The following PTPRD variants were observed in gnomAD, a reference collection of about 807,000 sequenced individuals.
PTPRD encodes protein tyrosine phosphatase receptor type D, also known as receptor-type tyrosine-protein phosphatase delta.
A neutral mutation model predicts 214.5 loss-of-function variants in PTPRD; 34 were observed. The ratio of observed to expected loss-of-function variants is 0.16; its 90% CI spans 0.12 to 0.21. The LOEUF (loss-of-function observed/expected upper bound fraction) is 0.21, where lower values mean the gene tolerates loss of function less well. Among genes scored for constraint, PTPRD ranks in the 10% least tolerant of loss-of-function variants. PTPRD has a pLI of 1.00. For synonymous variants in PTPRD, 1,128 were observed against 845.7 expected (o/e 1.33, Z -5.79); for missense variants, 2,545 against 2,398.7 (o/e 1.06, Z -1.27).
rs570678959 is a variant in PTPRD at position 10,564,445 on chromosome 9, GA to G, written c.-600+47952del. On this transcript the variant is annotated intron_variant, in intron 2 of 45. Transcript: ENST00000381196. ...AAGGAACTAAGAAGGTTGATTAAAA[GA>G]AAAAAAAAAAAGAAATTTTCTGCTT... Among the ~76,000 whole-genome samples, 596 of 139,732 alleles carry G rather than the reference GA, an allele frequency of 4.3e-3. 6 individuals carry two copies. Among genetic ancestry groups the G allele is most frequent in the African/African-American group, 0.013 (490 of 37,736 alleles). 91.7% of individuals were successfully genotyped at this position (139,732 alleles called of 152,430 possible). A position where few individuals can be genotyped will look rare whatever the true frequency, so the allele number is the denominator to read the frequency against.
chr9:10,116,886 C>G (rs2098734764), intron 3 of PTPRD, among the ~76,000 whole-genome samples: 1 of 152,056 alleles, frequency 6.6e-6, no homozygotes, highest in Non-Finnish European at 1.5e-5. Context: ...GAATTATTTT[C>G]CCCAATATAT....
intron 10 of PTPRD, among the ~76,000 whole-genome samples, chr9:9,151,502 G>C (rs1190954630): frequency 6.6e-6 from 1 of 152,138 alleles, no homozygotes; most frequent in Non-Finnish European, 1.5e-5. Context: ...TTGAAGTTCT[G>C]AAGAATTGGG....
intron 9 of PTPRD, among the ~76,000 whole-genome samples, chr9:9,206,831 T>C (rs1343894485): frequency 1.3e-5 from 2 of 152,176 alleles, no homozygotes; most frequent in South Asian, 2.1e-4. Flanking sequence ...GGATTCAGAC[T>C]GGCATCCTTT....
chr9:8,615,182 A>G (rs2095569909), intron 14 of PTPRD, among the ~76,000 whole-genome samples: 1 of 152,096 alleles, frequency 6.6e-6, no homozygotes, highest in Non-Finnish European at 1.5e-5. Context: ...TCCAACTTCA[A>G]AGGCTATATT....
At chr9:8,586,324 C>A (rs1403722190) in intron 14 of PTPRD, among the ~76,000 whole-genome samples, 12 of 152,144 alleles carry the variant, frequency 7.9e-5, no homozygotes, top group African/African-American at 2.7e-4. Context: ...TTTATAATAT[C>A]TTGTGTATTA....
At chr9:9,738,614 G>T (rs1021391270) in intron 6 of PTPRD, among the ~76,000 whole-genome samples, 63 of 151,460 alleles carry the variant, frequency 4.2e-4, no homozygotes, top group African/African-American at 1.5e-3. Flanking sequence ...ACTAATTTTT[G>T]TATTTTTAGT....
chr9:10,415,043 G>T (rs906164824), intron 2 of PTPRD, among the ~76,000 whole-genome samples: 4 of 151,596 alleles, frequency 2.6e-5, no homozygotes, highest in Non-Finnish European at 4.4e-5. Flanking sequence ...TCTGCGACAC[G>T]AGTTTACCTA....
chr9:10,410,459 T>C (rs2098422895), intron 2 of PTPRD, among the ~76,000 whole-genome samples: 1 of 151,308 alleles, frequency 6.6e-6, no homozygotes, highest in Non-Finnish European at 1.5e-5. Context: ...TTGCCTTTGA[T>C]AATTATACTT....
intron 14 of PTPRD, among the ~76,000 whole-genome samples, chr9:8,606,755 T>C (rs1030791094): frequency 1.3e-5 from 2 of 152,234 alleles, no homozygotes; most frequent in East Asian, 3.8e-4. Context: ...CATTTTTATA[T>C]CTATACAATA....
chr9:10,329,308 G>A (rs1423971882), intron 3 of PTPRD, among the ~76,000 whole-genome samples: 2 of 151,654 alleles, frequency 1.3e-5, no homozygotes, highest in East Asian at 3.9e-4. Context: ...TTGCCATTTG[G>A]GCAATACATG....
chr9:8,464,384 T>C (rs2096496086), intron 32 of PTPRD, among the ~76,000 whole-genome samples: 1 of 152,006 alleles, frequency 6.6e-6, no homozygotes, highest in Non-Finnish European at 1.5e-5. Flanking sequence ...AACATTAAAA[T>C]TCCAGGAAGG....
intron 2 of PTPRD, among the ~76,000 whole-genome samples, chr9:10,510,938 C>G (rs373897781): frequency 3.9e-5 from 6 of 152,126 alleles, no homozygotes; most frequent in African/African-American, 1.4e-4. Context: ...CCACATATGA[C>G]TGGGAACGTA....
intron 4 of PTPRD, among the ~76,000 whole-genome samples, chr9:10,012,973 T>C (rs1219269149): frequency 1.3e-5 from 2 of 151,966 alleles, no homozygotes; most frequent in Non-Finnish European, 2.9e-5. Flanking sequence ...ATAAATAAAA[T>C]ACTTCAATAT....
chr9:8,857,051 G>C (rs941514713), intron 11 of PTPRD, among the ~76,000 whole-genome samples: 2 of 152,164 alleles, frequency 1.3e-5, no homozygotes, highest in African/African-American at 4.8e-5. Flanking sequence ...TGTGTGTTAA[G>C]TACACCAGAT....
intron 5 of PTPRD, among the ~76,000 whole-genome samples, chr9:9,850,516 G>C (rs1476407384): frequency 6.6e-6 from 1 of 151,912 alleles, no homozygotes; most frequent in Non-Finnish European, 1.5e-5. Flanking sequence ...AAAATTAAAT[G>C]GAAGGGGAAG....
At chr9:9,933,979 C>G (rs1334611507) in intron 5 of PTPRD, among the ~76,000 whole-genome samples, 5 of 146,188 alleles carry the variant, frequency 3.4e-5, no homozygotes, top group Admixed American at 6.7e-5. Flanking sequence ...TGAATGACTA[C>G]TGGGTACATA....
chr9:10,566,830 G>C (rs1013250822), intron 2 of PTPRD, among the ~76,000 whole-genome samples: 1 of 152,014 alleles, frequency 6.6e-6, no homozygotes, highest in Non-Finnish European at 1.5e-5. Flanking sequence ...TCCAGGAACT[G>C]ATTTGAATGT....
intron 5 of PTPRD, among the ~76,000 whole-genome samples, chr9:9,896,816 T>C (rs1484077748): frequency 6.6e-6 from 1 of 152,076 alleles, no homozygotes; most frequent in Non-Finnish European, 1.5e-5. Context: ...TCAGTTGCCA[T>C]TTATTTGAAT....
intron 5 of PTPRD, among the ~76,000 whole-genome samples, chr9:9,900,944 A>T (rs943078952): frequency 1.3e-5 from 2 of 152,076 alleles, no homozygotes; most frequent in African/African-American, 4.8e-5. Context: ...TGCCAATTTT[A>T]TGTATTAGTC....
Sources: gnomAD v4.1 joint callset for allele counts (sites outside exome capture counted in the v4.1 genomes callset) on GRCh38, gnomAD v4.1.1 for gene constraint, MANE v1.5 for transcripts, NCBI Gene and HGNC (gene_info 2026-07-23, HGNC 2026-07-21) for gene names.